Variants in TLR6 observed in about 807,000 individuals in gnomAD.
TLR6 encodes the protein toll like receptor 6, also known as toll-like receptor 6.
TLR6 carries 9 observed loss-of-function variants against 16.1 expected under a neutral mutation model. That is an observed-to-expected ratio of 0.56 (90% confidence interval 0.34 to 0.98). The LOEUF is 0.98. Ranked by LOEUF, TLR6 falls within the 50% of genes least tolerant of loss-of-function variation. The probability of loss-of-function intolerance (pLI) is 0.02; values close to 1 mark genes in which losing one functional copy is unlikely to be tolerated. For missense variants in TLR6, 786 were observed against 921.0 expected (o/e 0.85, Z 1.90); for synonymous variants, 340 against 338.6 (o/e 1.00, Z -0.04).
chr4:38,851,047 T>C (rs1712751986), intron 1 of TLR6, among the ~76,000 whole-genome samples: 1 of 152,172 alleles, frequency 6.6e-6, no homozygotes, highest in African/African-American at 2.4e-5. Flanking sequence ...CAAGTGGGCT[T>C]CATCCCTGGG....
chr4:38,866,885 AAAG>A, the TLR6 span, among the ~76,000 whole-genome samples: 4 of 152,346 alleles, frequency 2.6e-5, no homozygotes, highest in South Asian at 8.3e-4. Flanking sequence ...AATTCTTCAA[AAAG>A]AAGAAGGGAT....
upstream of TLR6, among the ~76,000 whole-genome samples, chr4:38,858,770 A>G (rs1386488622): frequency 1.7e-4 from 13 of 77,004 alleles, no homozygotes; most frequent in Non-Finnish European, 2.1e-4. Context: ...AGAGAGAGAG[A>G]GAGAGGGAGA....
upstream of TLR6, among the ~76,000 whole-genome samples, chr4:38,860,535 T>TTA (rs1553860174): frequency 0.024 from 3,150 of 133,504 alleles, 50 homozygotes; most frequent in Middle Eastern, 0.12. Context: ...TCTGCTGAAT[T>TTA]AAAAAAAAAA....
exon 2 of TLR6, chr4:38,828,586 A>C (rs747591856): frequency 6.2e-7 from 1 of 1,613,924 alleles, no homozygotes; most frequent in Non-Finnish European, 8.5e-7. Context: ...AATAAGTAAA[A>C]TCTTCTTCAC....
chr4:38,827,984 A>G (rs2109406970), exon 2 of TLR6: 1 of 1,614,136 alleles, frequency 6.2e-7, no homozygotes, highest in East Asian at 2.2e-5. Flanking sequence ...CAATACAGAA[A>G]GGCTGCTAAA....
At chr4:38,827,606 T>G in exon 2 of TLR6, 1 of 1,614,248 alleles carries the variant, frequency 6.2e-7, no homozygotes, top group South Asian at 1.1e-5. Flanking sequence ...GCGCCGAGTC[T>G]GGGTCCACTG....
At chr4:38,845,984 C>G (rs924163296) in intron 1 of TLR6, among the ~76,000 whole-genome samples, 10 of 150,490 alleles carry the variant, frequency 6.6e-5, no homozygotes, top group African/African-American at 2.2e-4. Context: ...CCCAGCTATT[C>G]AGGAGGCTGA....
the TLR6 span, among the ~76,000 whole-genome samples, chr4:38,862,930 TAAAA>T: frequency 1.2e-5 from 1 of 83,112 alleles, no homozygotes; most frequent in Non-Finnish European, 2.2e-5. Flanking sequence ...TTCTCCCATC[TAAAA>T]AAAAAAAAAA....
intron 1 of TLR6, among the ~76,000 whole-genome samples, chr4:38,837,275 C>T (rs1429842004): frequency 1.3e-5 from 2 of 151,986 alleles, no homozygotes; most frequent in Admixed American, 6.6e-5. Flanking sequence ...CCCAAATAGC[C>T]AAATCAGTAC....
chr4:38,854,985 G>A (rs1429597612), intron 1 of TLR6, among the ~76,000 whole-genome samples: 1 of 152,162 alleles, frequency 6.6e-6, no homozygotes, highest in African/African-American at 2.4e-5. Context: ...CAAGGCGGGT[G>A]GATCACGAGG....
In TLR6 at chr4:38,828,283, G is replaced by T. The variant is rs1213101099; in HGVS notation, c.1191C>A (p.Leu397=). ...CCAAAGAAGGCATATCCTTCGTCAT[G>T]AGACCTACTTTGAAAAGGTCTTTTA... Residue 397 remains leucine (L), a synonymous_variant, in exon 2 of 2, where the codon CTC becomes CTA. Coordinates refer to ENST00000436693, the Ensembl canonical transcript of TLR6. The T allele has an allele frequency of 3.7e-6, 6 of 1,613,568 alleles. No individual in the cohort carries two copies. In the South Asian group the frequency reaches 6.6e-5, roughly 18 times the overall value.
chr4:38,861,573 C>T (rs12508244), upstream of TLR6, among the ~76,000 whole-genome samples: 61,756 of 151,964 alleles, frequency 0.41, 13,455 homozygotes, highest in Middle Eastern at 0.52. Flanking sequence ...CAGCTCTCCA[C>T]TGGACTACAC....
upstream of TLR6, among the ~76,000 whole-genome samples, chr4:38,860,251 C>G (rs1005268037): frequency 6.6e-6 from 1 of 152,094 alleles, no homozygotes; most frequent in Non-Finnish European, 1.5e-5. Flanking sequence ...GCAGGCAGAT[C>G]ACCTGAGGTC....
At chr4:38,837,099 TGGAAAGACATCCCATGTTCATGGACTGGA>T in intron 1 of TLR6, among the ~76,000 whole-genome samples, 1 of 151,400 alleles carries the variant, frequency 6.6e-6, no homozygotes, top group East Asian at 1.9e-4. Context: ...CACAAAAAAA[TGGAAAGACATCCCATGTTCATGGACTGGA>T]AGAATTAACA....
intron 1 of TLR6, among the ~76,000 whole-genome samples, chr4:38,834,064 T>TAA (rs372189493): frequency 5.2e-4 from 72 of 137,556 alleles, no homozygotes; most frequent in Non-Finnish European, 8.8e-4. Context: ...ATATCTGTAC[T>TAA]AAAAAAAAAA....
chr4:38,853,052 T>TA, intron 1 of TLR6, among the ~76,000 whole-genome samples: 1 of 150,346 alleles, frequency 6.7e-6, no homozygotes, highest in Admixed American at 6.6e-5. Flanking sequence ...TATGCAGCCA[T>TA]AAAAAAGGAT....
At position 38,827,798 on chromosome 4, in the gene TLR6, T is replaced by A. The variant is rs552599497; in HGVS notation, c.1676A>T (p.Tyr559Phe). ...ATAACTTTCTGGGTAGTCACACTTATAAGAATCAGGCCAGCCCTCTAACAC... is the reference window on the plus strand; with the variant it reads ...ATAACTTTCTGGGTAGTCACACTTAAAAGAATCAGGCCAGCCCTCTAACAC... The change falls in exon 2 of 2, where the codon TAT becomes TTT. Residue 559 changes from tyrosine to phenylalanine, a missense_variant. Transcript: ENST00000436693. The A allele has an allele frequency of 8.1e-6, 13 of 1,614,234 alleles. No homozygotes were observed. In the South Asian group the frequency reaches 1.3e-4, roughly 16 times the overall value.
intron 1 of TLR6, among the ~76,000 whole-genome samples, chr4:38,834,387 G>T (rs908213763): frequency 2.7e-5 from 4 of 147,034 alleles, no homozygotes; most frequent in African/African-American, 9.9e-5. Flanking sequence ...AATAAAGAAA[G>T]CCTATGGAAC....
upstream of TLR6, among the ~76,000 whole-genome samples, chr4:38,857,371 G>T (rs1415472795): frequency 6.6e-6 from 1 of 152,008 alleles, no homozygotes; most frequent in Admixed American, 6.6e-5. Context: ...TCAACATTTG[G>T]TGTTATTAAA....
Sources: gnomAD v4.1 joint callset for allele counts (sites outside exome capture counted in the v4.1 genomes callset) on GRCh38, gnomAD v4.1.1 for gene constraint, MANE v1.5 for transcripts, NCBI Gene and HGNC (gene_info 2026-07-23, HGNC 2026-07-21) for gene names.